MYO5C: variants seen among roughly 807,000 people sequenced by gnomAD.
The protein encoded by MYO5C is myosin VC.
A neutral mutation model predicts 235.7 loss-of-function variants in MYO5C; 194 were observed. The ratio of observed to expected loss-of-function variants is 0.82; its 90% CI spans 0.73 to 0.93. The LOEUF is 0.93. Among genes scored for constraint, MYO5C ranks in the 40% least tolerant of loss-of-function variants. The pLI is 0.00. For synonymous variants in MYO5C, 707 were observed against 754.8 expected (o/e 0.94, Z 1.04); for missense variants, 2,038 against 2,127.2 (o/e 0.96, Z 0.82).
chr15:52,196,285 G>T, intron 39 of MYO5C, 24 bp downstream of exon 39: 1 of 1,575,202 alleles, frequency 6.3e-7, no homozygotes, highest in Non-Finnish European at 8.6e-7. Context: ...AAGAGCCAGG[G>T]AGACACTAAG....
intron 8 of MYO5C, among the ~76,000 whole-genome samples, chr15:52,266,605 T>C (rs2036816866): frequency 6.6e-6 from 1 of 152,054 alleles, no homozygotes; most frequent in Non-Finnish European, 1.5e-5. Context: ...GAAGGAATCC[T>C]AGTATTGTTC....
At chr15:52,202,381 A>T (rs2035208729) in intron 38 of MYO5C, among the ~76,000 whole-genome samples, 1 of 152,156 alleles carries the variant, frequency 6.6e-6, no homozygotes, top group African/African-American at 2.4e-5. Flanking sequence ...CCATCTCAAA[A>T]AAGAAAAAGA....
chr15:52,210,016 T>C (rs1378924424), intron 35 of MYO5C, among the ~76,000 whole-genome samples: 1 of 152,170 alleles, frequency 6.6e-6, no homozygotes, highest in Non-Finnish European at 1.5e-5. Flanking sequence ...CAGGCTGGAG[T>C]GCAGTGGTGT....
intron 20 of MYO5C, 78 bp from the exon 21 acceptor site, chr15:52,239,957 C>A: frequency 1.4e-6 from 2 of 1,429,578 alleles, no homozygotes; most frequent in Non-Finnish European, 1.9e-6. Flanking sequence ...CTGGAAGATG[C>A]AACTACCACG....
intron 26 of MYO5C, 102 bp from the exon 27 acceptor site, chr15:52,225,240 TAAATAACTC>T: frequency 7.7e-7 from 1 of 1,302,174 alleles, no homozygotes; most frequent in African/African-American, 1.5e-5. Flanking sequence ...AGTCTCCAGC[TAAATAACTC>T]ACCAGCTATC....
At chr15:52,229,560 G>A (rs951482175) in intron 24 of MYO5C, among the ~76,000 whole-genome samples, 1 of 152,172 alleles carries the variant, frequency 6.6e-6, no homozygotes, top group Non-Finnish European at 1.5e-5. Flanking sequence ...GGAGGTCCAG[G>A]CTGCAGTGAG....
rs368588013 is a variant in MYO5C at position 52,264,251 on chromosome 15, G to A, written c.986C>T (p.Ala329Val). The change falls in exon 9 of 41, where the codon GCC (alanine) becomes GTC (valine). Residue 329 changes from alanine to valine, a missense_variant. Physicochemically the swap from Ala to Val is moderately conservative, Grantham distance 64 (BLOSUM62 0). Coordinates refer to ENST00000261839, the MANE Select transcript of MYO5C (RefSeq NM_018728.4). Reference protein sequence around the residue: ...FQMDVFKILAAILHLGNVQIT... With the variant: ...FQMDVFKILAVILHLGNVQIT... The stretch of plus-strand genomic sequence containing the variant: ...CTGCACATTGCCCAGATGTAGGATG[G>A]CTGCCAGGATTTTAAAAACGTCCAT... The A allele has an allele frequency of 4.3e-5, 69 of 1,614,046 alleles. No homozygotes were observed. Among genetic ancestry groups the A allele is most frequent in the Non-Finnish European group, 5.3e-5 (63 of 1,180,006 alleles).
chr15:52,225,042 T>C, intron 27 of MYO5C, 33 bp downstream of exon 27: 1 of 1,613,480 alleles, frequency 6.2e-7, no homozygotes, highest in Non-Finnish European at 8.5e-7. Flanking sequence ...TGTTTACATG[T>C]CTTAAAATGT....
At chr15:52,251,853 C>T (rs1050588389) in intron 12 of MYO5C, among the ~76,000 whole-genome samples, 13 of 151,840 alleles carry the variant, frequency 8.6e-5, no homozygotes, top group African/African-American at 2.4e-4. Flanking sequence ...TTAGTAGAGA[C>T]GGGGTTTCAC....
intron 4 of MYO5C, among the ~76,000 whole-genome samples, chr15:52,278,503 A>G (rs909038948): frequency 6.6e-6 from 1 of 152,092 alleles, no homozygotes; most frequent in Admixed American, 6.6e-5. Context: ...CTGCAGCTAA[A>G]AACCCTGTCA....
intron 8 of MYO5C, among the ~76,000 whole-genome samples, chr15:52,265,384 C>T (rs919218010): frequency 2.0e-5 from 3 of 152,090 alleles, no homozygotes; most frequent in Admixed American, 6.5e-5. Context: ...GAGATGCGCT[C>T]GGGCTGGCAG....
intron 8 of MYO5C, among the ~76,000 whole-genome samples, chr15:52,265,667 T>C (rs2036793350): frequency 6.6e-6 from 1 of 151,892 alleles, no homozygotes; most frequent in South Asian, 2.1e-4. Flanking sequence ...GCCTCCTGAG[T>C]AGCTGGGACT....
chr15:52,256,562 A>AACACACAC (rs373248361), intron 11 of MYO5C, 77 bp downstream of exon 11: 19,709 of 629,932 alleles, frequency 0.031, 295 homozygotes, highest in East Asian at 0.13. Flanking sequence ...TCTTTCCACG[A>AACACACAC]ACACACACAC....
At chr15:52,203,470 C>T (rs1444157052) in intron 38 of MYO5C, among the ~76,000 whole-genome samples, 2 of 152,132 alleles carry the variant, frequency 1.3e-5, no homozygotes, top group African/African-American at 2.4e-5. Context: ...CTCGGCCTCC[C>T]GAGTAGCTGG....
chr15:52,276,954 C>A (rs956043474), intron 4 of MYO5C, among the ~76,000 whole-genome samples: 5 of 151,912 alleles, frequency 3.3e-5, no homozygotes, highest in Admixed American at 1.3e-4. Flanking sequence ...ACATAGATAT[C>A]TCTTTTACAG....
At position 52,242,137 on chromosome 15, in the gene MYO5C, C is replaced by A. The variant is rs1056430546; in HGVS notation, c.2467G>T (p.Val823Phe). ...IIQKHCRGYLVRSLYQLIRMA... is the reference protein window; with the variant it reads ...IIQKHCRGYLFRSLYQLIRMA... ...CGAATCAACTGATACAGGCTGCGAA[C>A]AAGATACCCGCGGCAGTGCTTCTGA... The change falls in exon 20 of 41, where the codon GTT becomes TTT. Residue 823 changes from valine (V) to phenylalanine (F), a missense_variant. Val to Phe is a conservative substitution (Grantham distance 50). Transcript: ENST00000261839. The A allele has an allele frequency of 1.9e-6, 3 of 1,614,098 alleles. No individual in the cohort carries two copies. The highest frequency in any genetic ancestry group is 2.7e-5 in the African/African-American group (2 of 74,936).
At chr15:52,239,586 A>G (rs2036167336) in intron 21 of MYO5C, 147 bp downstream of exon 21, 2 of 748,912 alleles carry the variant, frequency 2.7e-6, no homozygotes, top group Non-Finnish European at 4.2e-6. Context: ...TTTACAGTGT[A>G]CTTCTGTTTC....
At chr15:52,259,726 G>A (rs1219274105) in intron 10 of MYO5C, among the ~76,000 whole-genome samples, 2 of 152,254 alleles carry the variant, frequency 1.3e-5, no homozygotes, top group East Asian at 1.9e-4. Context: ...GGAGCCATAT[G>A]TATTAACTTA....
rs565226830 is a variant in MYO5C at position 52,282,675 on chromosome 15, C to T, written c.138+107G>A. On this transcript the variant is annotated intron_variant, in intron 2 of 40. Coordinates refer to ENST00000261839, the MANE Select transcript of MYO5C (RefSeq NM_018728.4). Reference sequence around the variant, plus strand: ...GGAATGGTGCTGGTGCCCACTCGTGCGCCCTCCCCTGGGTGCCTCCCACGG... The same window carrying T: ...GGAATGGTGCTGGTGCCCACTCGTGTGCCCTCCCCTGGGTGCCTCCCACGG... The T allele has an allele frequency of 2.0e-4, 149 of 753,988 alleles. 1 individual carries two copies. In the African/African-American group the frequency reaches 2.2e-3, roughly 11 times the overall value. The allele number at this position is 753,988 out of a possible 1,614,324, so 46.7% of individuals were successfully genotyped here.
Sources: gnomAD v4.1 joint callset for allele counts (sites outside exome capture counted in the v4.1 genomes callset) on GRCh38, gnomAD v4.1.1 for gene constraint, MANE v1.5 for transcripts, NCBI Gene and HGNC (gene_info 2026-07-23, HGNC 2026-07-21) for gene names.